The following PLEKHA5 variants were observed in gnomAD, a reference collection of about 807,000 sequenced individuals.
PLEKHA5 encodes pleckstrin homology domain-containing family A member 5.
In PLEKHA5, 55 loss-of-function variants were observed where a neutral mutation model predicts 181.9. The observed-to-expected ratio is 0.30, with a 90% CI of 0.24 to 0.38. PLEKHA5 has a LOEUF of 0.38. PLEKHA5 is among the 10% of genes least tolerant of loss of function. PLEKHA5 has a pLI of 1.00. For synonymous variants in PLEKHA5, 535 were observed against 529.4 expected (o/e 1.01, Z -0.15); for missense variants, 1,432 against 1,549.5 (o/e 0.92, Z 1.27).
At chr12:19,329,072 C>G (rs749048033) in intron 20 of PLEKHA5, among the ~76,000 whole-genome samples, 2 of 152,070 alleles carry the variant, frequency 1.3e-5, no homozygotes, top group African/African-American at 4.8e-5. Flanking sequence ...TATCAAAAGC[C>G]TTTTCCATGT....
chr12:19,333,695 A>T (rs1178544417), intron 20 of PLEKHA5, among the ~76,000 whole-genome samples: 1 of 140,084 alleles, frequency 7.1e-6, no homozygotes, highest in Non-Finnish European at 1.5e-5. Context: ...TGCAACCTCC[A>T]CCCCCCAGGT....
At chr12:19,366,448 T>C (rs1592655664) in intron 30 of PLEKHA5, among the ~76,000 whole-genome samples, 1 of 151,472 alleles carries the variant, frequency 6.6e-6, no homozygotes, top group South Asian at 2.1e-4. Flanking sequence ...AGGTCAGGGG[T>C]TCAAGACCAG....
chr12:19,201,478 G>A (rs575393685), intron 3 of PLEKHA5: 16 of 151,522 alleles, frequency 1.1e-4, no homozygotes, highest in South Asian at 2.1e-4. Context: ...ATTTTACTAC[G>A]TAAGTATGTT....
chr12:19,250,447 G>C (rs530638064), intron 3 of PLEKHA5, among the ~76,000 whole-genome samples: 1 of 152,080 alleles, frequency 6.6e-6, no homozygotes, highest in African/African-American at 2.4e-5. Flanking sequence ...GCCAGGCGTC[G>C]TGGTGCATAC....
intron 3 of PLEKHA5, chr12:19,152,587 A>T (rs545973984): frequency 1.3e-5 from 2 of 152,350 alleles, no homozygotes; most frequent in South Asian, 4.1e-4. Flanking sequence ...GGGTCCAATG[A>T]TATTTTTTAT....
chr12:19,202,695 A>T (rs2054471567), intron 3 of PLEKHA5, among the ~76,000 whole-genome samples: 1 of 152,106 alleles, frequency 6.6e-6, no homozygotes, highest in Non-Finnish European at 1.5e-5. Flanking sequence ...TCTCTGGGTG[A>T]TAATGATGTG....
chr12:19,227,197 A>G (rs1253030402), intron 3 of PLEKHA5, among the ~76,000 whole-genome samples: 2 of 151,834 alleles, frequency 1.3e-5, no homozygotes, highest in Admixed American at 1.3e-4. Flanking sequence ...AATGTGATAG[A>G]CCATTCTTGG....
At chr12:19,174,554 CT>C (rs2046741285) in intron 3 of PLEKHA5, among the ~76,000 whole-genome samples, 1 of 152,054 alleles carries the variant, frequency 6.6e-6, no homozygotes, top group South Asian at 2.1e-4. Context: ...ATTGCGAGCT[CT>C]TAGAGGCGTG....
intron 3 of PLEKHA5, among the ~76,000 whole-genome samples, chr12:19,177,175 A>G (rs2047505385): frequency 6.6e-6 from 1 of 152,090 alleles, no homozygotes; most frequent in Non-Finnish European, 1.5e-5. Context: ...CCACATATTT[A>G]TCTTTTGTTT....
intron 3 of PLEKHA5, among the ~76,000 whole-genome samples, chr12:19,230,554 T>A (rs2060366428): frequency 6.6e-6 from 1 of 152,142 alleles, no homozygotes; most frequent in Admixed American, 6.5e-5. Context: ...GCGGGTAGGC[T>A]GGCAGTGCTG....
At chr12:19,354,111 G>C in intron 26 of PLEKHA5, 109 bp downstream of exon 26, 1 of 213,506 alleles carries the variant, frequency 4.7e-6, no homozygotes. Context: ...CATACTCAAA[G>C]AAAAACTTAG....
chr12:19,357,906 C>T (rs2095039227), intron 26 of PLEKHA5, among the ~76,000 whole-genome samples: 1 of 152,180 alleles, frequency 6.6e-6, no homozygotes, highest in East Asian at 1.9e-4. Context: ...TCCCAAAGTG[C>T]TGGGATTATA....
intron 15 of PLEKHA5, chr12:19,303,671 C>T (rs2638423): frequency 0.15 from 22,050 of 152,052 alleles, 1,832 homozygotes; most frequent in Middle Eastern, 0.28. Context: ...TGAGCCAGCC[C>T]AGTAGGAAAT....
intron 20 of PLEKHA5, among the ~76,000 whole-genome samples, chr12:19,332,437 A>C (rs2092938883): frequency 6.6e-6 from 1 of 152,204 alleles, no homozygotes. Context: ...CCTCTCCCAA[A>C]AGGAACACTG....
rs549823350 is a variant in PLEKHA5, at chr12:19,274,774, G to T, written c.1104G>T (p.Gln368His). The change falls in exon 11 of 32, where the codon CAG (glutamine) becomes CAT (histidine). Residue 368 changes from glutamine to histidine, a missense_variant. Coordinates refer to ENST00000429027, the MANE Select transcript of PLEKHA5 (RefSeq NM_001256470.2). ...AGAGTGGGTCAGCATGCCCTGCTCA[G>T]ACTGTGCACTACAGACCAATCAACT... Reference protein sequence around the residue: ...EYESGSACPAQTVHYRPINLS... With the variant: ...EYESGSACPAHTVHYRPINLS... The T allele has an allele frequency of 2.3e-5, 37 of 1,614,174 alleles. No individual in the cohort carries two copies. The African/African-American group carries it at 4.1e-4, about 18-fold the overall frequency.
chr12:19,199,579 C>T (rs2053713564), intron 3 of PLEKHA5, among the ~76,000 whole-genome samples: 3 of 152,260 alleles, frequency 2.0e-5, no homozygotes, highest in Admixed American at 1.3e-4. Flanking sequence ...ATCTTAGGAG[C>T]TTGCAGTTGC....
At chr12:19,340,394 C>T (rs1462595478) in intron 21 of PLEKHA5, among the ~76,000 whole-genome samples, 50 of 141,132 alleles carry the variant, frequency 3.5e-4, no homozygotes, top group African/African-American at 1.1e-3. Context: ...CCCGGCCAGC[C>T]GCCCCGTCCG....
intron 3 of PLEKHA5, among the ~76,000 whole-genome samples, chr12:19,187,283 G>A (rs2050085700): frequency 2.0e-5 from 3 of 152,180 alleles, no homozygotes; most frequent in Non-Finnish European, 2.9e-5. Context: ...AGTACACATG[G>A]TGAATGAAAA....
intron 3 of PLEKHA5, among the ~76,000 whole-genome samples, chr12:19,180,332 C>T (rs1348319078): frequency 2.0e-5 from 3 of 152,154 alleles, no homozygotes; most frequent in African/African-American, 7.2e-5. Flanking sequence ...ATTCTCAAGA[C>T]TGTTTTGCAG....
Sources: gnomAD v4.1 joint callset for allele counts (sites outside exome capture counted in the v4.1 genomes callset) on GRCh38, gnomAD v4.1.1 for gene constraint, MANE v1.5 for transcripts, NCBI Gene and HGNC (gene_info 2026-07-23, HGNC 2026-07-21) for gene names.